The following KATNAL2 variants were observed in gnomAD, a reference collection of about 807,000 sequenced individuals.
KATNAL2 encodes katanin catalytic subunit A1 like 2, also known as katanin p60 ATPase-containing subunit A-like 2.
A neutral mutation model predicts 76.3 loss-of-function variants in KATNAL2; 52 were observed. That is an observed-to-expected ratio of 0.68 (90% confidence interval 0.55 to 0.86). The LOEUF is 0.86. KATNAL2 is among the 40% of genes least tolerant of loss of function. The probability of loss-of-function intolerance (pLI) is 0.00; values close to 1 mark genes in which losing one functional copy is unlikely to be tolerated. For missense variants in KATNAL2, 660 were observed against 668.9 expected (o/e 0.99, Z 0.15); for synonymous variants, 243 against 244.2 (o/e 1.00, Z 0.05).
Position 47,073,424 on chromosome 18 carries a change from T to G in KATNAL2, c.1009-1853T>G, listed in dbSNP as rs115524870. Among the ~76,000 whole-genome samples, 729 of 152,306 alleles carry G rather than the reference T, an allele frequency of 4.8e-3. 2 individuals carry two copies. Among genetic ancestry groups the G allele is most frequent in the African/African-American group, 0.016 (660 of 41,566 alleles). The stretch of plus-strand genomic sequence containing the variant: ...CTAACCTCGAAGGAACTCGTCTCAT[T>G]TCCTTTCAGAAATTACATCATTTTC... On this transcript the variant is annotated intron_variant, in intron 13 of 17. Coordinates refer to ENST00000683218, the MANE Select transcript of KATNAL2 (RefSeq NM_001387690.1).
intron 15 of KATNAL2, among the ~76,000 whole-genome samples, chr18:47,082,308 G>A (rs2062563794): frequency 6.6e-6 from 1 of 152,166 alleles, no homozygotes; most frequent in Admixed American, 6.6e-5. Flanking sequence ...CTAGATGCCA[G>A]TAGCACCTCC....
In KATNAL2 at chr18:46,917,614, G is replaced by T. The variant is rs1320555476; in HGVS notation, c.-822G>T. ...CGCCCGCGCCTTCAGTCCGCGCGGC[G>T]ACAGCGCCCGCCCGCGCCTGCCCCG... On this transcript the variant is annotated 5_prime_UTR_variant, in exon 1 of 18. Coordinates refer to ENST00000683218, the MANE Select transcript of KATNAL2 (RefSeq NM_001387690.1). 3.1e-6 allele frequency: 3 copies of T among 967,686 alleles called. No homozygotes were observed. The highest frequency in any genetic ancestry group is 1.0e-4 in the East Asian group (1 of 9,872). The allele number at this position is 967,686 out of a possible 1,614,324, so 59.9% of individuals were successfully genotyped here.
At chr18:46,956,633 G>A (rs2059756515) in intron 3 of KATNAL2, among the ~76,000 whole-genome samples, 1 of 152,148 alleles carries the variant, frequency 6.6e-6, no homozygotes, top group African/African-American at 2.4e-5. Context: ...TAGACTGTAG[G>A]CTCCTTAAGA....
At chr18:46,961,785 A>C (rs1003028046) in intron 3 of KATNAL2, among the ~76,000 whole-genome samples, 45 of 152,064 alleles carry the variant, frequency 3.0e-4, no homozygotes, top group African/African-American at 1.0e-3. Flanking sequence ...GTCTATTTTG[A>C]TAAATGGCAT....
Position 47,066,978 on chromosome 18 carries a change from G to A in KATNAL2, c.727-43G>A, listed in dbSNP as rs756072984. On this transcript the variant is annotated intron_variant, in intron 10 of 17. Transcript: ENST00000683218. ...CTCCCAAGTTTATTACAGCTGTAGA[G>A]GAAAACATCAGTTTTAAAAAAATGA... is the stretch of plus-strand genomic sequence containing the variant. 9.3e-6 allele frequency: 11 copies of A among 1,176,604 alleles called. No individual in the cohort carries two copies. In the East Asian group the frequency reaches 2.7e-4, roughly 29 times the overall value. 72.9% of individuals were successfully genotyped at this position (1,176,604 alleles called of 1,614,324 possible). A position where few individuals can be genotyped will look rare whatever the true frequency, so the allele number is the denominator to read the frequency against.
At chr18:46,933,798 C>T (rs1227492602) in intron 1 of KATNAL2, among the ~76,000 whole-genome samples, 1 of 107,390 alleles carries the variant, frequency 9.3e-6, no homozygotes, top group East Asian at 3.4e-4. Flanking sequence ...CCCCTCCCCC[C>T]ACCCCATAAC....
chr18:47,076,360 G>A (rs887408393), intron 14 of KATNAL2: 1 of 152,170 alleles, frequency 6.6e-6, no homozygotes, highest in African/African-American at 2.4e-5. Flanking sequence ...GTCAGCCCTA[G>A]GCTGGAGCAC....
intron 13 of KATNAL2, among the ~76,000 whole-genome samples, chr18:47,071,251 C>T (rs1057072868): frequency 5.9e-5 from 9 of 152,118 alleles, no homozygotes; most frequent in African/African-American, 1.4e-4. Context: ...CCTCCCGCCT[C>T]GGGCTCCCAA....
At chr18:47,071,975 T>C (rs1232576235) in intron 13 of KATNAL2, among the ~76,000 whole-genome samples, 4 of 121,452 alleles carry the variant, frequency 3.3e-5, no homozygotes, top group African/African-American at 9.9e-5. Context: ...TTTTTTTTTT[T>C]TTTTTTTTTT....
intron 3 of KATNAL2, among the ~76,000 whole-genome samples, chr18:47,032,318 G>T (rs1050504448): frequency 5.3e-5 from 8 of 152,318 alleles, no homozygotes; most frequent in Admixed American, 3.3e-4. Context: ...ATGATGAAGG[G>T]TCACTGCAAC....
intron 1 of KATNAL2, among the ~76,000 whole-genome samples, chr18:46,924,755 A>C (rs2146505344): frequency 6.6e-6 from 1 of 152,248 alleles, no homozygotes; most frequent in East Asian, 1.9e-4. Flanking sequence ...TATTTCGTTG[A>C]GCAGTGGTTT....
intron 3 of KATNAL2, among the ~76,000 whole-genome samples, chr18:46,959,201 C>T (rs900947029): frequency 6.6e-6 from 1 of 152,186 alleles, no homozygotes; most frequent in African/African-American, 2.4e-5. Context: ...CAGTTCTAAA[C>T]ACTAATTAAA....
chr18:47,038,079 T>C (rs555537247), intron 3 of KATNAL2, among the ~76,000 whole-genome samples: 30 of 152,046 alleles, frequency 2.0e-4, no homozygotes, highest in Non-Finnish European at 3.8e-4. Context: ...TTGCAAACTG[T>C]GATTCTAATA....
intron 14 of KATNAL2, 29 bp from the exon 15 acceptor site, chr18:47,077,318 CACTT>C (rs777163248): frequency 8.5e-6 from 13 of 1,522,618 alleles, no homozygotes; most frequent in African/African-American, 1.4e-5. Context: ...AAGGCTCTGA[CACTT>C]AGGAGAATCA....
At chr18:47,054,287 A>T in intron 5 of KATNAL2, 109 bp from the exon 6 acceptor site, 2 of 991,344 alleles carry the variant, frequency 2.0e-6, no homozygotes, top group Non-Finnish European at 3.2e-6. Flanking sequence ...CCAATTGGTT[A>T]AAACTCAAAT....
chr18:47,034,368 C>T, intron 3 of KATNAL2: 2 of 1,614,056 alleles, frequency 1.2e-6, no homozygotes, highest in Non-Finnish European at 1.7e-6. Context: ...TGTCTGGAGC[C>T]TCCTCCAAGG....
intron 1 of KATNAL2, among the ~76,000 whole-genome samples, chr18:46,927,389 C>A (rs1324727163): frequency 1.3e-5 from 2 of 152,098 alleles, no homozygotes; most frequent in Admixed American, 6.6e-5. Flanking sequence ...AAATTCTTTT[C>A]TTTAAGAATG....
chr18:46,933,922 T>C (rs1360587032), intron 1 of KATNAL2, among the ~76,000 whole-genome samples: 6 of 149,636 alleles, frequency 4.0e-5, no homozygotes, highest in Non-Finnish European at 7.4e-5. Flanking sequence ...CTTGCGATAG[T>C]TTGCTGAGAA....
At chr18:47,060,892 AC>A (rs1388944539) in intron 8 of KATNAL2, among the ~76,000 whole-genome samples, 1 of 152,142 alleles carries the variant, frequency 6.6e-6, no homozygotes, top group Non-Finnish European at 1.5e-5. Context: ...GTTTTCAGTC[AC>A]CTTTGCCTAG....
Sources: allele counts gnomAD v4.1 joint callset (sites outside exome capture counted in the v4.1 genomes callset), GRCh38; gene constraint gnomAD v4.1.1; transcripts MANE v1.5; gene names NCBI Gene and HGNC (gene_info 2026-07-23, HGNC 2026-07-21).